Variants in AKT3 observed in about 807,000 individuals in gnomAD.
AKT3 encodes AKT serine/threonine kinase 3.
AKT3 carries 15 observed loss-of-function variants against 65.3 expected under a neutral mutation model. That is an observed-to-expected ratio of 0.23 (90% CI 0.15 to 0.35). AKT3 has a LOEUF of 0.35. Ranked by LOEUF, AKT3 falls within the 10% of genes least tolerant of loss-of-function variation. The pLI, the probability that AKT3 is intolerant of heterozygous loss-of-function variation, is 1.00. For synonymous variants in AKT3, 206 were observed against 183.8 expected (o/e 1.12, Z -0.98); for missense variants, 243 against 576.5 (o/e 0.42, Z 5.92).
chr1:243,614,564 G>A (rs951683688), intron 7 of AKT3, among the ~76,000 whole-genome samples: 1 of 152,006 alleles, frequency 6.6e-6, no homozygotes, highest in Non-Finnish European at 1.5e-5. Flanking sequence ...TGAAAAAAAC[G>A]TAGCATGGCT....
At chr1:243,559,479 T>C (rs1490460382) in intron 10 of AKT3, among the ~76,000 whole-genome samples, 2 of 152,282 alleles carry the variant, frequency 1.3e-5, no homozygotes, top group Non-Finnish European at 2.9e-5. Flanking sequence ...ATTTATACTG[T>C]AAGTTTTATG....
chr1:243,578,192 C>T (rs147384665), intron 8 of AKT3, among the ~76,000 whole-genome samples: 2,354 of 152,174 alleles, frequency 0.015, 35 homozygotes, highest in Non-Finnish European at 0.021. Context: ...TGGGTATATA[C>T]CCAAAGGAAT....
At chr1:243,779,221 T>C (rs888815611) in intron 2 of AKT3, among the ~76,000 whole-genome samples, 1 of 152,162 alleles carries the variant, frequency 6.6e-6, no homozygotes, top group Non-Finnish European at 1.5e-5. Flanking sequence ...ATATATCACA[T>C]AACAAACATT....
intron 2 of AKT3, among the ~76,000 whole-genome samples, chr1:243,827,354 T>C (rs1694236578): frequency 6.6e-6 from 1 of 152,188 alleles, no homozygotes; most frequent in Non-Finnish European, 1.5e-5. Flanking sequence ...ATTGTGGATG[T>C]TTCTTGATTT....
In AKT3 at chr1:243,850,021, T is replaced by G. The variant is rs2148491757; in HGVS notation, c.-113+19A>C. 1.0e-6 allele frequency: 1 copy of G among 966,940 alleles called. No individual in the cohort carries two copies. The highest frequency in any genetic ancestry group is 1.2e-6 in the Non-Finnish European group (1 of 818,844). The allele number at this position is 966,940 out of a possible 1,614,324, so 59.9% of individuals were successfully genotyped here. A position where few individuals can be genotyped will look rare whatever the true frequency, so the allele number is the denominator to read the frequency against. On this transcript the variant is annotated intron_variant, in intron 1 of 13. Transcript: ENST00000673466. ...GGCCAGGCGGGGAGGGGGCTAGAGT[T>G]GGGGGCGGTGGCTGTTACCTGCAAC... is the stretch of plus-strand genomic sequence containing the variant.
At chr1:243,837,827 T>C (rs559832596) in intron 2 of AKT3, among the ~76,000 whole-genome samples, 1 of 152,140 alleles carries the variant, frequency 6.6e-6, no homozygotes, top group South Asian at 2.1e-4. Flanking sequence ...AGATGAGCAA[T>C]AAAGCAAAAT....
chr1:243,558,595 C>A (rs1403549518), intron 10 of AKT3, among the ~76,000 whole-genome samples: 1 of 152,028 alleles, frequency 6.6e-6, no homozygotes, highest in African/African-American at 2.4e-5. Flanking sequence ...TTCTCAATAG[C>A]AACCACAGCT....
chr1:243,748,237 TA>T (rs922898659), intron 2 of AKT3, among the ~76,000 whole-genome samples: 2 of 152,106 alleles, frequency 1.3e-5, no homozygotes, highest in African/African-American at 4.8e-5. Flanking sequence ...AACCAAGTTG[TA>T]AAAAATTGTG....
At chr1:243,589,309 AAAAAAAAAAAAAAAAG>A (rs1380617689) in intron 8 of AKT3, among the ~76,000 whole-genome samples, 1 of 149,224 alleles carries the variant, frequency 6.7e-6, no homozygotes, top group Non-Finnish European at 1.5e-5. Flanking sequence ...TCCATCTCAA[AAAAAAAAAAAAAAAAG>A]AAAAAAAAAG....
intron 3 of AKT3, 97 bp from the exon 4 acceptor site, chr1:243,664,980 G>A: frequency 3.8e-6 from 2 of 524,092 alleles, no homozygotes; most frequent in Non-Finnish European, 5.9e-6. Context: ...ACAAAACCCA[G>A]TGCGAACTCA....
intron 2 of AKT3, among the ~76,000 whole-genome samples, chr1:243,763,748 C>T (rs1689641619): frequency 6.6e-6 from 1 of 152,094 alleles, no homozygotes; most frequent in Non-Finnish European, 1.5e-5. Flanking sequence ...ACAGTTATTA[C>T]TGACCAGTGT....
At chr1:243,771,816 G>C (rs1373644753) in intron 2 of AKT3, among the ~76,000 whole-genome samples, 1 of 152,114 alleles carries the variant, frequency 6.6e-6, no homozygotes, top group East Asian at 1.9e-4. Flanking sequence ...AACCAAAACA[G>C]CATGGTACTG....
intron 2 of AKT3, among the ~76,000 whole-genome samples, chr1:243,747,774 A>C (rs1178905565): frequency 2.6e-5 from 4 of 152,226 alleles, no homozygotes; most frequent in Non-Finnish European, 1.5e-5. Context: ...ACACAAAAAA[A>C]ATCAAAAGGG....
chr1:243,508,207 C>T (rs1434205732), intron 13 of AKT3, among the ~76,000 whole-genome samples: 2 of 152,158 alleles, frequency 1.3e-5, no homozygotes, highest in African/African-American at 4.8e-5. Context: ...TTATCTGCTC[C>T]TTAAGGGAAT....
chr1:243,833,991 C>G (rs1694721101), intron 2 of AKT3, among the ~76,000 whole-genome samples: 1 of 151,956 alleles, frequency 6.6e-6, no homozygotes, highest in African/African-American at 2.4e-5. Flanking sequence ...ATTTGAGCCA[C>G]TGTGGCTGGG....
At chr1:243,492,809 G>A (rs528765570) in intron 13 of AKT3, among the ~76,000 whole-genome samples, 33 of 151,848 alleles carry the variant, frequency 2.2e-4, no homozygotes, top group African/African-American at 7.5e-4. Context: ...GTTTCTCCAC[G>A]TAGGCCAGGC....
chr1:243,496,282 G>C (rs1337199644), downstream of AKT3, among the ~76,000 whole-genome samples: 1 of 152,198 alleles, frequency 6.6e-6, no homozygotes, highest in Non-Finnish European at 1.5e-5. Flanking sequence ...GGCGGAGCCG[G>C]GCCTGGCTGG....
At chr1:243,743,775 C>A (rs1688311857) in intron 2 of AKT3, among the ~76,000 whole-genome samples, 1 of 152,152 alleles carries the variant, frequency 6.6e-6, no homozygotes, top group South Asian at 2.1e-4. Context: ...GTAATCCCAG[C>A]ACTTTGGAAG....
At chr1:243,562,759 T>C (rs1269225584) in intron 10 of AKT3, among the ~76,000 whole-genome samples, 1 of 152,146 alleles carries the variant, frequency 6.6e-6, no homozygotes, top group Non-Finnish European at 1.5e-5. Context: ...GTGAAGATGC[T>C]TCCTGATGAC....
Sources: gnomAD v4.1 joint callset for allele counts (sites outside exome capture counted in the v4.1 genomes callset) on GRCh38, gnomAD v4.1.1 for gene constraint, MANE v1.5 for transcripts, NCBI Gene and HGNC (gene_info 2026-07-23, HGNC 2026-07-21) for gene names.